NRG1: variants seen among roughly 807,000 people sequenced by gnomAD.
NRG1 encodes neuregulin 1.
In NRG1, 18 loss-of-function variants were observed where a neutral mutation model predicts 63.8. That is an observed-to-expected ratio of 0.28 (90% CI 0.19 to 0.42). The LOEUF is 0.42. Ranked by LOEUF, NRG1 falls within the 10% of genes least tolerant of loss-of-function variation. NRG1 has a pLI of 1.00. For synonymous variants in NRG1, 302 were observed against 301.3 expected (o/e 1.00, Z -0.02); for missense variants, 762 against 814.7 (o/e 0.94, Z 0.79).
chr8:32,102,754 T>C (rs1830736203), intron 1 of NRG1, among the ~76,000 whole-genome samples: 2 of 152,144 alleles, frequency 1.3e-5, no homozygotes, highest in Admixed American at 1.3e-4. Context: ...TCCAGCTGGG[T>C]GTTTCTGGGC....
chr8:32,771,878 C>T (rs1174333059), downstream of NRG1, among the ~76,000 whole-genome samples: 1 of 147,166 alleles, frequency 6.8e-6, no homozygotes. Flanking sequence ...CAAAAATTAG[C>T]CGGGCGTGGT....
At chr8:31,826,601 A>G (rs951463987) in intron 1 of NRG1, among the ~76,000 whole-genome samples, 1 of 152,016 alleles carries the variant, frequency 6.6e-6, no homozygotes, top group Non-Finnish European at 1.5e-5. Context: ...AGAATGGACT[A>G]ATACACTTTA....
intron 1 of NRG1, among the ~76,000 whole-genome samples, chr8:32,107,820 T>C (rs1423895360): frequency 6.6e-6 from 1 of 152,202 alleles, no homozygotes; most frequent in African/African-American, 2.4e-5. Flanking sequence ...CAGCATCTTT[T>C]TCCTATAAAG....
chr8:31,692,124 A>C (rs1410485871), intron 1 of NRG1, among the ~76,000 whole-genome samples: 2 of 152,204 alleles, frequency 1.3e-5, no homozygotes, highest in Non-Finnish European at 2.9e-5. Context: ...TGAGCCACCC[A>C]TGCTTGACCA....
chr8:31,765,996 T>C (rs994641287), intron 1 of NRG1, among the ~76,000 whole-genome samples: 1 of 152,152 alleles, frequency 6.6e-6, no homozygotes, highest in Non-Finnish European at 1.5e-5. Context: ...AGTCTTCCTT[T>C]ATCATTTATT....
intron 1 of NRG1, among the ~76,000 whole-genome samples, chr8:31,702,510 A>T (rs1390470364): frequency 6.6e-6 from 1 of 150,394 alleles, no homozygotes; most frequent in African/African-American, 2.4e-5. Context: ...TTATATCTTC[A>T]TATCAGCTTA....
chr8:31,949,661 T>C (rs2129622808), intron 1 of NRG1, among the ~76,000 whole-genome samples: 1 of 152,296 alleles, frequency 6.6e-6, no homozygotes, highest in Non-Finnish European at 1.5e-5. Flanking sequence ...TACTGGAGCA[T>C]TTTAGTTTCG....
chr8:32,088,741 A>G (rs1828657098), intron 1 of NRG1, among the ~76,000 whole-genome samples: 1 of 152,042 alleles, frequency 6.6e-6, no homozygotes, highest in African/African-American at 2.4e-5. Context: ...GATGGTCTCA[A>G]TCTCTTGACC....
At chr8:31,823,275 A>G (rs1287093413) in intron 1 of NRG1, among the ~76,000 whole-genome samples, 2 of 152,100 alleles carry the variant, frequency 1.3e-5, no homozygotes, top group Non-Finnish European at 2.9e-5. Context: ...TGCTATAGGC[A>G]TCTTGCAGTT....
chr8:31,750,079 C>T (rs1209434505), intron 1 of NRG1, among the ~76,000 whole-genome samples: 1 of 151,808 alleles, frequency 6.6e-6, no homozygotes, highest in East Asian at 1.9e-4. Context: ...CAACCTACAG[C>T]CACAGTAGAA....
chr8:31,670,791 T>C lies in NRG1; in HGVS notation c.37+31360T>C, dbSNP rs190765311. ...ATTTCTTTTATTTTAACTTGGGTTT[T>C]TATTTTTTTTCTTTGCAACTTTTAT... On this transcript the variant is annotated intron_variant, in intron 1 of 10. Coordinates refer to the NRG1 transcript ENST00000519301. 2.2e-3 allele frequency among the ~76,000 whole-genome samples: 341 copies of C among 152,284 alleles called. 3 individuals are homozygous for C. Among genetic ancestry groups the C allele is most frequent in the Non-Finnish European group, 2.8e-3 (190 of 68,022 alleles).
intron 1 of NRG1, among the ~76,000 whole-genome samples, chr8:31,889,616 G>A (rs1830991301): frequency 6.6e-6 from 1 of 152,168 alleles, no homozygotes; most frequent in Non-Finnish European, 1.5e-5. Flanking sequence ...CAAACAGAAA[G>A]TGAGGTGATT....
At chr8:32,137,708 CT>C (rs2131693857) in intron 1 of NRG1, among the ~76,000 whole-genome samples, 1 of 152,192 alleles carries the variant, frequency 6.6e-6, no homozygotes, top group Non-Finnish European at 1.5e-5. Context: ...TTGATAACCC[CT>C]GATGCACACA....
At chr8:32,487,023 A>G (rs1825985150) in intron 1 of NRG1, among the ~76,000 whole-genome samples, 1 of 152,180 alleles carries the variant, frequency 6.6e-6, no homozygotes, top group Non-Finnish European at 1.5e-5. Context: ...AGTGAATATG[A>G]AAAATCCAGA....
At chr8:32,072,329 T>G (rs1293399234) in intron 1 of NRG1, among the ~76,000 whole-genome samples, 1 of 151,738 alleles carries the variant, frequency 6.6e-6, no homozygotes, top group Non-Finnish European at 1.5e-5. Flanking sequence ...GTCATTCTGT[T>G]CCCTTTTGGG....
At chr8:32,734,852 A>T (rs1003822743) in intron 6 of NRG1, among the ~76,000 whole-genome samples, 1 of 152,236 alleles carries the variant, frequency 6.6e-6, no homozygotes, top group Non-Finnish European at 1.5e-5. Flanking sequence ...TCAGTTGAGC[A>T]GCCATGTACA....
chr8:32,231,431 G>A (rs959223226), intron 1 of NRG1, among the ~76,000 whole-genome samples: 1 of 151,988 alleles, frequency 6.6e-6, no homozygotes, highest in Non-Finnish European at 1.5e-5. Context: ...CGCTTTGTAA[G>A]GAAAAATAGG....
intron 1 of NRG1, among the ~76,000 whole-genome samples, chr8:32,078,887 G>T (rs907792890): frequency 6.6e-6 from 1 of 152,018 alleles, no homozygotes; most frequent in African/African-American, 2.4e-5. Context: ...GCTGGCTCGC[G>T]CTATTCTGTG....
At chr8:32,615,569 A>G (rs1001834724) in intron 4 of NRG1, among the ~76,000 whole-genome samples, 4 of 152,068 alleles carry the variant, frequency 2.6e-5, no homozygotes, top group Non-Finnish European at 5.9e-5. Flanking sequence ...TCCACATTTA[A>G]TATTTTAGCT....
Sources: allele counts gnomAD v4.1 joint callset (sites outside exome capture counted in the v4.1 genomes callset), GRCh38; gene constraint gnomAD v4.1.1; transcripts MANE v1.5; gene names NCBI Gene and HGNC (gene_info 2026-07-23, HGNC 2026-07-21).